Variants in TOP1MT observed in about 807,000 individuals in gnomAD.
The protein encoded by TOP1MT is DNA topoisomerase I, mitochondrial.
TOP1MT carries 80 observed loss-of-function variants against 73.9 expected under a neutral mutation model. The observed-to-expected ratio is 1.08, with a 90% CI of 0.90 to 1.30. TOP1MT has a LOEUF of 1.30. Among genes scored for constraint, TOP1MT ranks in the 50% most tolerant of loss-of-function variants. The pLI is 0.00. For missense variants in TOP1MT, 815 were observed against 808.0 expected, an observed-to-expected ratio of 1.01 and a Z score of -0.10; for synonymous variants, 338 against 326.4, an observed-to-expected ratio of 1.04 and a Z score of -0.38.
intron 1 of TOP1MT, 54 bp downstream of exon 1, chr8:143,334,686 C>A: frequency 6.3e-7 from 1 of 1,590,630 alleles, no homozygotes; most frequent in Non-Finnish European, 8.5e-7. Context: ...CTTTCTGGAC[C>A]TACCCAAGCC....
Position 143,326,281 on chromosome 8 carries a change from G to C in TOP1MT, c.424C>G (p.His142Asp). 1 of 1,613,992 alleles carries C rather than the reference G, an allele frequency of 6.2e-7. No individual in the cohort carries two copies. Among genetic ancestry groups the C allele is most frequent in the Non-Finnish European group, 8.5e-7 (1 of 1,180,014 alleles). The change falls in exon 4 of 14, where the codon CAC becomes GAC. Residue 142 changes from histidine (H) to aspartate (D), a missense_variant. His to Asp is a moderately conservative substitution (Grantham distance 81). Coordinates refer to ENST00000329245, the MANE Select transcript of TOP1MT (RefSeq NM_052963.3). ...GCGGCCTTGTCCACAAAGTATCTGT[G>C]GATCTCCGTGAAGTCACACTTGTCC... The part of the protein sequence containing the change: ...SLDKCDFTEI[H>D]RYFVDKAAAR...
chr8:143,325,577 G>A, intron 4 of TOP1MT, 44 bp from the exon 5 acceptor site: 3 of 1,570,574 alleles, frequency 1.9e-6, no homozygotes, highest in Non-Finnish European at 1.7e-6. Flanking sequence ...GTGAAGAGAA[G>A]AGAACAGGCC....
In TOP1MT at chr8:143,324,524, G is replaced by A; in HGVS notation, c.777C>T (p.Ser259=). 1 of 1,613,984 alleles carries A rather than the reference G, an allele frequency of 6.2e-7. No homozygotes were observed. The highest frequency in any genetic ancestry group is 8.5e-7 in the Non-Finnish European group (1 of 1,180,028). ...AAGGGTTCAGCATGATGTACTTGAT[G>A]GAGTTCTGAACGCTCTCGGTCCAAG... ...LAAWTESVQN[S]IKYIMLNPCS... is the part of the protein sequence containing the mutation. Residue 259 remains serine, a synonymous_variant, in exon 6 of 14, where the codon TCC becomes TCT. Transcript: ENST00000329245.
chr8:143,357,405 C>CAA (rs35053879), upstream of TOP1MT, among the ~76,000 whole-genome samples: 1 of 86,216 alleles, frequency 1.2e-5, no homozygotes, highest in Non-Finnish European at 2.8e-5. Context: ...GACCTTGTCT[C>CAA]AAAAAAAAAA....
intron 8 of TOP1MT, among the ~76,000 whole-genome samples, chr8:143,318,727 C>T (rs932299329): frequency 3.9e-5 from 6 of 152,140 alleles, no homozygotes; most frequent in African/African-American, 1.2e-4. Context: ...TCACCAGACA[C>T]GGGCAGGAGG....
At position 143,321,291 on chromosome 8, in the gene TOP1MT, C is replaced by A; in HGVS notation, c.1056G>T (p.Pro352=). The A allele has an allele frequency of 1.2e-6, 2 of 1,612,630 alleles. No individual in the cohort carries two copies. Among genetic ancestry groups the A allele is most frequent in the Non-Finnish European group, 1.7e-6 (2 of 1,179,232 alleles). Residue 352 remains proline, a synonymous_variant, in exon 8 of 14, where the codon CCG becomes CCT. Coordinates refer to ENST00000329245, the MANE Select transcript of TOP1MT (RefSeq NM_052963.3). ...CCACGTGTTGGCAGCCATCGGCCTC[C>A]GGGTGCAGCTGGACGTGCTCCACGC... is the stretch of plus-strand genomic sequence containing the variant. ...SLRVEHVQLH[P]EADGCQHVVE... is the part of the protein sequence containing the mutation.
intron 3 of TOP1MT, 68 bp from the exon 4 acceptor site, chr8:143,326,412 G>C: frequency 2.5e-6 from 4 of 1,595,602 alleles, no homozygotes; most frequent in Non-Finnish European, 3.4e-6. Context: ...CTCTCGCCAT[G>C]TCTGACGGAC....
chr8:143,354,900 GAAC>G (rs1300032316), intron 1 of TOP1MT, among the ~76,000 whole-genome samples: 1 of 151,926 alleles, frequency 6.6e-6, no homozygotes, highest in Admixed American at 6.6e-5. Context: ...GACAAAAACA[GAAC>G]AAAAAGAAAA....
At chr8:143,318,730 G>A (rs888175709) in intron 8 of TOP1MT, among the ~76,000 whole-genome samples, 7 of 152,212 alleles carry the variant, frequency 4.6e-5, no homozygotes, top group African/African-American at 1.7e-4. Context: ...CCAGACACGG[G>A]CAGGAGGCCC....
At position 143,342,263 on chromosome 8, in the gene TOP1MT, G is replaced by GTTA. The variant is rs754072900; in HGVS notation, c.29+954_29+956dup. Among the ~76,000 whole-genome samples the GTTA allele has an allele frequency of 7.2e-5, 9 of 125,198 alleles. 1 individual carries two copies. Among genetic ancestry groups the GTTA allele is most frequent in the African/African-American group, 2.8e-4 (7 of 25,058 alleles). 82.1% of individuals were successfully genotyped at this position (125,198 alleles called of 152,430 possible). ...ATTATTAGAGACAGAGTCTCGCTCTGTTATTATTATTATTAGAGACAGAGT... is the reference window on the plus strand; with the variant it reads ...ATTATTAGAGACAGAGTCTCGCTCTGTTATTATTATTATTATTAGAGACAGAGT... On this transcript the variant is annotated intron_variant, in intron 2 of 5. Transcript: ENST00000518007.
At chr8:143,321,518 A>G in intron 7 of TOP1MT, 132 bp from the exon 8 acceptor site, 1 of 671,098 alleles carries the variant, frequency 1.5e-6, no homozygotes, top group South Asian at 2.0e-5. Flanking sequence ...CACGCACTCC[A>G]CACACGCACG....
At chr8:143,351,445 A>G (rs780361896) in intron 1 of TOP1MT, among the ~76,000 whole-genome samples, 9 of 152,068 alleles carry the variant, frequency 5.9e-5, no homozygotes, top group Non-Finnish European at 1.2e-4. Context: ...AGAGTGACGC[A>G]TGCCTGTAAT....
At chr8:143,337,802 G>A (rs1010529984), upstream of TOP1MT, among the ~76,000 whole-genome samples, 3 of 152,270 alleles carry the variant, frequency 2.0e-5, no homozygotes, top group East Asian at 1.9e-4. Context: ...CAAACAGCCC[G>A]GCGCCACACC....
intron 13 of TOP1MT, 168 bp downstream of exon 13, chr8:143,309,900 G>A (rs745412347): frequency 4.4e-6 from 7 of 1,574,144 alleles, no homozygotes; most frequent in Admixed American, 1.8e-5. Flanking sequence ...AGGGCAGGGA[G>A]AGCTGATGAC....
intron 3 of TOP1MT, 54 bp downstream of exon 3, chr8:143,329,296 G>C (rs1816787328): frequency 6.6e-7 from 1 of 1,522,074 alleles, no homozygotes; most frequent in Admixed American, 2.4e-5. Flanking sequence ...CAGAACCGCA[G>C]ACGCCTAGCC....
At position 143,341,419 on chromosome 8, in the gene TOP1MT, C is replaced by T. The variant is rs1817078109; in HGVS notation, c.29+1801G>A. The stretch of plus-strand genomic sequence containing the variant: ...GCCATCTTCATCTTGTCTGCAGGAA[C>T]CTCCGTGTGGCCTTGGGACCTTGCC... On this transcript the variant is annotated intron_variant, in intron 2 of 5. Transcript: ENST00000518007. This position sits in a 1 kb window ranked among gnomAD's most constrained non-coding sequence, Gnocchi z 4.1. 6.6e-6 allele frequency among the ~76,000 whole-genome samples: 1 copy of T among 152,178 alleles called. No homozygotes were observed. Among genetic ancestry groups the T allele is most frequent in the African/African-American group, 2.4e-5 (1 of 41,446 alleles).
chr8:143,334,643 G>A, intron 1 of TOP1MT, 97 bp downstream of exon 1: 4 of 1,532,794 alleles, frequency 2.6e-6, no homozygotes, highest in South Asian at 1.2e-5. Flanking sequence ...ACCGGAAGCA[G>A]GGCAAGGCCG....
Position 143,326,301 on chromosome 8 carries a change from T to C in TOP1MT, c.404A>G (p.Lys135Arg), listed in dbSNP as rs1586766188. ...EEREVIKSLD[K>R]CDFTEIHRYF... ...TCTGTGGATCTCCGTGAAGTCACAC[T>C]TGTCCAGGCTCTTGATGACTTCCCT... The change falls in exon 4 of 14, where the codon AAG becomes AGG. Residue 135 changes from lysine to arginine, a missense_variant. Around this residue, in one of 3 missense-constraint regions of TOP1MT, gnomAD observed 751 missense variants for 725.4 expected, o/e 1.04. Coordinates refer to ENST00000329245, the MANE Select transcript of TOP1MT (RefSeq NM_052963.3). 3.7e-6 allele frequency: 6 copies of C among 1,614,030 alleles called. No individual in the cohort carries two copies. Among genetic ancestry groups the C allele is most frequent in the Non-Finnish European group, 5.1e-6 (6 of 1,180,010 alleles).
chr8:143,317,629 C>T (rs990476375), intron 10 of TOP1MT, 94 bp downstream of exon 10: 19 of 1,132,806 alleles, frequency 1.7e-5, no homozygotes, highest in Non-Finnish European at 2.4e-5. Flanking sequence ...CGGCCCCACC[C>T]CGAGGCTCAC....
Sources: gnomAD v4.1 joint callset for allele counts (sites outside exome capture counted in the v4.1 genomes callset) on GRCh38, gnomAD v4.1.1 for gene constraint, gnomAD v4.1.1 regional missense constraint, Gnocchi (gnomAD v3.1) non-coding constraint, MANE v1.5 for transcripts, NCBI Gene and HGNC (gene_info 2026-07-23, HGNC 2026-07-21) for gene names.